SLC24A2: variants seen among roughly 807,000 people sequenced by gnomAD.
SLC24A2 encodes the protein sodium/potassium/calcium exchanger 2.
SLC24A2 carries 36 observed loss-of-function variants against 62.0 expected under a neutral mutation model. The ratio of observed to expected loss-of-function variants is 0.58; its 90% CI spans 0.44 to 0.77. The LOEUF is 0.77. SLC24A2 is among the 30% of genes least tolerant of loss of function. SLC24A2 has a pLI of 0.00. For missense variants in SLC24A2, 846 were observed against 817.9 expected, an observed-to-expected ratio of 1.03 and a Z score of -0.42; for synonymous variants, 358 against 294.0, an observed-to-expected ratio of 1.22 and a Z score of -2.23.
the SLC24A2 span, among the ~76,000 whole-genome samples, chr9:19,849,090 T>C: frequency 6.6e-6 from 1 of 152,268 alleles, no homozygotes; most frequent in South Asian, 2.1e-4. Context: ...CTGGGGGCAC[T>C]GAGTGGGCAG....
chr9:20,034,550 C>T, the SLC24A2 span, among the ~76,000 whole-genome samples: 23 of 151,206 alleles, frequency 1.5e-4, no homozygotes, highest in Non-Finnish European at 1.9e-4. Context: ...AGCTCTGCAC[C>T]CCCCACCCCG....
the SLC24A2 span, among the ~76,000 whole-genome samples, chr9:20,158,261 T>A: frequency 6.6e-6 from 1 of 151,652 alleles, no homozygotes; most frequent in African/African-American, 2.4e-5. Flanking sequence ...AAAATAAAAA[T>A]TTAATAAGAG....
At chr9:20,085,851 T>A in the SLC24A2 span, among the ~76,000 whole-genome samples, 1 of 152,222 alleles carries the variant, frequency 6.6e-6, no homozygotes. Context: ...GTTCACTACA[T>A]TAATTTTTTT....
chr9:19,982,455 T>G, the SLC24A2 span, among the ~76,000 whole-genome samples: 1 of 152,146 alleles, frequency 6.6e-6, no homozygotes, highest in Non-Finnish European at 1.5e-5. Context: ...TTAAAAGATT[T>G]ATAGCAGCAA....
At chr9:20,143,115 T>A in the SLC24A2 span, among the ~76,000 whole-genome samples, 1 of 152,156 alleles carries the variant, frequency 6.6e-6, no homozygotes, top group African/African-American at 2.4e-5. Context: ...AAATCTGTGA[T>A]TTTTGCACAA....
At chr9:20,203,073 GAAT>G in the SLC24A2 span, among the ~76,000 whole-genome samples, 1 of 149,856 alleles carries the variant, frequency 6.7e-6, no homozygotes, top group South Asian at 2.2e-4. Flanking sequence ...ACACATCCCT[GAAT>G]AATAATTCTT....
In SLC24A2 at chr9:19,528,222, T is replaced by C. The variant is rs936918458; in HGVS notation, c.1480-84A>G. On this transcript the variant is annotated intron_variant, in intron 8 of 10. Coordinates refer to ENST00000341998, the MANE Select transcript of SLC24A2 (RefSeq NM_020344.4). Reference sequence around the variant, plus strand: ...AAATCCAAAGCTAAAGCCACCATTGTAGCAATTTCTCTAGCATTTCCTGCA... The same window carrying C: ...AAATCCAAAGCTAAAGCCACCATTGCAGCAATTTCTCTAGCATTTCCTGCA... The C allele has an allele frequency of 5.6e-6, 5 of 894,332 alleles. No individual in the cohort carries two copies. In the Admixed American group the frequency reaches 6.0e-5, roughly 11 times the overall value. 55.4% of individuals were successfully genotyped at this position (894,332 alleles called of 1,614,324 possible). A position where few individuals can be genotyped will look rare whatever the true frequency, so the allele number is the denominator to read the frequency against.
At chr9:19,778,365 C>T (rs1822906775) in intron 2 of SLC24A2, among the ~76,000 whole-genome samples, 2 of 152,060 alleles carry the variant, frequency 1.3e-5, no homozygotes, top group Non-Finnish European at 1.5e-5. Context: ...TTTAGAAATA[C>T]AAACATGAGG....
the SLC24A2 span, among the ~76,000 whole-genome samples, chr9:19,890,753 C>T: frequency 2.0e-5 from 3 of 152,108 alleles, no homozygotes; most frequent in Non-Finnish European, 4.4e-5. Flanking sequence ...TCAAGCAATC[C>T]TCCCGCCTCA....
the SLC24A2 span, among the ~76,000 whole-genome samples, chr9:19,845,067 T>G: frequency 6.6e-6 from 1 of 152,148 alleles, no homozygotes; most frequent in African/African-American, 2.4e-5. Context: ...ATTGGTACTT[T>G]GATAGGAATA....
At chr9:20,299,168 C>T in the SLC24A2 span, among the ~76,000 whole-genome samples, 4 of 152,168 alleles carry the variant, frequency 2.6e-5, no homozygotes, top group Non-Finnish European at 4.4e-5. Context: ...AGGGCAGGCC[C>T]ATTAAAGGAA....
chr9:20,300,403 G>T, the SLC24A2 span, among the ~76,000 whole-genome samples: 4 of 152,172 alleles, frequency 2.6e-5, no homozygotes, highest in Non-Finnish European at 5.9e-5. Context: ...AAATGGCCTT[G>T]TCAAAGCCCT....
chr9:20,034,448 T>C, the SLC24A2 span, among the ~76,000 whole-genome samples: 11 of 148,476 alleles, frequency 7.4e-5, no homozygotes, highest in African/African-American at 2.7e-4. Context: ...TCTGGCCTTT[T>C]AAGTTTTTTT....
the SLC24A2 span, among the ~76,000 whole-genome samples, chr9:19,880,490 C>G: frequency 6.6e-6 from 1 of 152,268 alleles, no homozygotes; most frequent in South Asian, 2.1e-4. Context: ...GCTGCTTTTT[C>G]TTAGCACATA....
chr9:19,808,674 A>G, the SLC24A2 span, among the ~76,000 whole-genome samples: 1 of 152,196 alleles, frequency 6.6e-6, no homozygotes, highest in African/African-American at 2.4e-5. The surrounding 1 kb of genome is among the most constrained non-coding windows in gnomAD (Gnocchi z 4.1). Flanking sequence ...CTATGGGGTT[A>G]CAGTCTTTCA....
chr9:20,013,417 T>G, the SLC24A2 span, among the ~76,000 whole-genome samples: 1 of 152,070 alleles, frequency 6.6e-6, no homozygotes, highest in South Asian at 2.1e-4. Context: ...CAACTTAAGA[T>G]AGATTAAAAA....
the SLC24A2 span, among the ~76,000 whole-genome samples, chr9:20,270,181 G>A: frequency 1.3e-5 from 2 of 152,026 alleles, no homozygotes; most frequent in African/African-American, 2.4e-5. Flanking sequence ...TATTCATAAG[G>A]GATCCAACCC....
chr9:20,284,667 G>C, the SLC24A2 span, among the ~76,000 whole-genome samples: 7 of 152,036 alleles, frequency 4.6e-5, no homozygotes, highest in Non-Finnish European at 7.4e-5. Flanking sequence ...AAGAAATCCT[G>C]CAAGAGCTGT....
At chr9:20,237,199 T>C in the SLC24A2 span, among the ~76,000 whole-genome samples, 2 of 152,212 alleles carry the variant, frequency 1.3e-5, no homozygotes, top group Non-Finnish European at 2.9e-5. Context: ...CATTCATTTG[T>C]TCTGCTTGAG....
Sources: gnomAD v4.1 joint callset for allele counts (sites outside exome capture counted in the v4.1 genomes callset) on GRCh38, gnomAD v4.1.1 for gene constraint, Gnocchi (gnomAD v3.1) non-coding constraint, MANE v1.5 for transcripts, NCBI Gene and HGNC (gene_info 2026-07-23, HGNC 2026-07-21) for gene names.